RPL10: variants seen among roughly 807,000 people sequenced by gnomAD.
RPL10 encodes ribosomal protein L10.
In RPL10, 1 loss-of-function variant was observed where a neutral mutation model predicts 15.7. That is an observed-to-expected ratio of 0.06 (90% CI 0.02 to 0.30). The LOEUF is 0.30. RPL10 is among the 10% of genes least tolerant of loss of function. The pLI is 1.00. For synonymous variants in RPL10, 59 were observed against 64.0 expected (o/e 0.92, Z 0.37); for missense variants, 54 against 183.4 (o/e 0.29, Z 4.08).
chrX:154,399,085 CA>C (rs2067968799), intron 2 of RPL10: 1 of 449,266 alleles, frequency 2.2e-6, no homozygotes, highest in Non-Finnish European at 4.0e-6. Flanking sequence ...AAGTTTGTTG[CA>C]AAGTGTTTAT....
rs889587500 is a variant in RPL10 at position 154,401,262 on chromosome X, G to A, written c.*408G>A. 2.0e-5 allele frequency: 5 copies of A among 251,709 alleles called. No homozygotes were observed. Among genetic ancestry groups the A allele is most frequent in the Admixed American group, 5.6e-5 (1 of 17,989 alleles). 20.7% of individuals were successfully genotyped at this position (251,709 alleles called of 1,213,427 possible). A position where few individuals can be genotyped will look rare whatever the true frequency, so the allele number is the denominator to read the frequency against. On this transcript the variant is annotated 3_prime_UTR_variant, in exon 7 of 7. Transcript: ENST00000369817. ...TGTGGGCTAGAGGCTGACCAGCAGC[G>A]TTTATTTAGCAAGGGTAGGTGTGCA...
chrX:154,398,997 G>T (rs1281926850), intron 2 of RPL10: 1 of 380,067 alleles, frequency 2.6e-6, no homozygotes, highest in Non-Finnish European at 4.8e-6. Context: ...GTCTTAAATT[G>T]GGTGACCTGA....
At chrX:154,398,186 C>T, upstream of RPL10, 1 of 436,279 alleles carries the variant, frequency 2.3e-6, no homozygotes, top group Admixed American at 3.1e-5. Flanking sequence ...GCTGGCCGCC[C>T]GCGGCCCTGG....
chrX:154,400,980 C>T lies in RPL10; in HGVS notation c.*126C>T. 1 of 1,169,927 alleles carries T rather than the reference C, an allele frequency of 8.5e-7. No homozygotes were observed. Among genetic ancestry groups the T allele is most frequent in the South Asian group, 1.9e-5 (1 of 52,807 alleles). On this transcript the variant is annotated 3_prime_UTR_variant, in exon 7 of 7. Coordinates refer to ENST00000369817, the MANE Select transcript of RPL10 (RefSeq NM_006013.5). ...CCTCTGGGAACCTTTGGGTCATTGC[C>T]CTTTCACTTCAGAAACAGGTTGACA...
At chrX:154,398,126 C>A, upstream of RPL10, 1 of 343,916 alleles carries the variant, frequency 2.9e-6, no homozygotes. Context: ...CCCAAGATGG[C>A]CAGCCGGAAG....
chrX:154,398,338 CA>C, upstream of RPL10: 3 of 591,489 alleles, frequency 5.1e-6, no homozygotes, highest in Middle Eastern at 3.1e-4. Flanking sequence ...CGCGCGCAGA[CA>C]GACCGCCTAT....
rs1557184972 is a variant in RPL10 at position 154,398,678 on chromosome X, C to T, written c.23+136C>T. On this transcript the variant is annotated intron_variant, in intron 2 of 6. Transcript: ENST00000369817. ...TCTTGGGAACTGACCCTATGTTTTACACCTCCCGGCTATTTTTTAGTCTGC... is the reference window on the plus strand; with the variant it reads ...TCTTGGGAACTGACCCTATGTTTTATACCTCCCGGCTATTTTTTAGTCTGC... 3 of 743,043 alleles carry T rather than the reference C, an allele frequency of 4.0e-6. No homozygotes were observed. The African/African-American group carries it at 6.3e-5, about 16-fold the overall frequency. 61.2% of individuals were successfully genotyped at this position (743,043 alleles called of 1,213,427 possible).
intron 3 of RPL10, 45 bp downstream of exon 3, chrX:154,399,441 C>T (rs781975255): frequency 6.6e-6 from 8 of 1,208,811 alleles, no homozygotes; most frequent in East Asian, 3.0e-5. Context: ...CTGCGGACTC[C>T]GCGTCCGTCT....
At chrX:154,399,000 T>A (rs1346443154) in intron 2 of RPL10, 1 of 376,865 alleles carries the variant, frequency 2.7e-6, no homozygotes, top group African/African-American at 2.6e-5. Flanking sequence ...TTAAATTGGG[T>A]GACCTGAGCT....
At chrX:154,398,834 CTCTG>C (rs1327534143) in intron 2 of RPL10, 11 of 409,253 alleles carry the variant, frequency 2.7e-5, no homozygotes, top group Non-Finnish European at 4.8e-5. Flanking sequence ...TGTGTGCGTT[CTCTG>C]TCTTATTTCC....
rs782483440 is a variant in RPL10, at chrX:154,398,405, G to A, written c.-24+11G>A. ...TTTCCCTTCGGTGTGGTGAGTAAGC[G>A]CAGTTGTCGTCTCTTGCGGTGCCGT... On this transcript the variant is annotated intron_variant, in intron 1 of 6. Coordinates refer to ENST00000369817, the MANE Select transcript of RPL10 (RefSeq NM_006013.5). 33 of 930,612 alleles carry A rather than the reference G, an allele frequency of 3.5e-5. No homozygotes were observed. Among genetic ancestry groups the A allele is most frequent in the Non-Finnish European group, 4.8e-5 (31 of 642,995 alleles). The allele number at this position is 930,612 out of a possible 1,213,427, so 76.7% of individuals were successfully genotyped here.
chrX:154,401,168 T>A lies in RPL10; in HGVS notation c.*314T>A. The A allele has an allele frequency of 2.5e-6, 1 of 401,993 alleles. No homozygotes were observed. Among genetic ancestry groups the A allele is most frequent in the Non-Finnish European group, 4.0e-6 (1 of 247,600 alleles). 33.1% of individuals were successfully genotyped at this position (401,993 alleles called of 1,213,427 possible). A position where few individuals can be genotyped will look rare whatever the true frequency, so the allele number is the denominator to read the frequency against. ...ATGAAGCACAGCTGCAGCAAAGCCT[T>A]GCAATCCCAGGCTGGGGTCAGCCTA... On this transcript the variant is annotated 3_prime_UTR_variant, in exon 7 of 7. Coordinates refer to ENST00000369817, the MANE Select transcript of RPL10 (RefSeq NM_006013.5).
chrX:154,398,979 G>GC (rs2067966857), intron 2 of RPL10: 4 of 367,248 alleles, frequency 1.1e-5, no homozygotes, highest in Non-Finnish European at 2.0e-5. Context: ...AGTGCCACGT[G>GC]CCCGAAAGTC....
intron 4 of RPL10, 73 bp downstream of exon 4, chrX:154,399,667 G>A: frequency 8.7e-7 from 1 of 1,155,709 alleles, no homozygotes; most frequent in Non-Finnish European, 1.2e-6. Flanking sequence ...CACATACACT[G>A]CACTGGAATT....
At chrX:154,399,448 G>A (rs369032958) in intron 3 of RPL10, 39 bp from the exon 4 acceptor site, 46 of 1,206,905 alleles carry the variant, frequency 3.8e-5, no homozygotes, top group East Asian at 3.0e-5. Context: ...CTCCGCGTCC[G>A]TCTGTGACAC....
In RPL10 at chrX:154,399,778, T is replaced by C. The variant is rs199846706; in HGVS notation, c.191-25T>C. The C allele has an allele frequency of 5.0e-4, 603 of 1,208,947 alleles. 2 individuals are homozygous for C. In the South Asian group the frequency reaches 0.01, roughly 20 times the overall value. ...GTTTCTCTATTATCTTCTCTCACTT[T>C]GCTGCTTTTCTTCTCCCTACCTAGC... On this transcript the variant is annotated intron_variant, in intron 4 of 6. Transcript: ENST00000369817.
In RPL10 at chrX:154,400,866, G is replaced by A. The variant is rs1557185881; in HGVS notation, c.*12G>A. 4 of 1,211,339 alleles carry A rather than the reference G, an allele frequency of 3.3e-6. No individual in the cohort carries two copies. Among genetic ancestry groups the A allele is most frequent in the South Asian group, 1.8e-5 (1 of 56,949 alleles). On this transcript the variant is annotated 3_prime_UTR_variant, in exon 7 of 7. Transcript: ENST00000369817. ...CCCTGCACTCATGAGGGCTTCCAAT[G>A]TGCTGCCCCCCTCTTAATACTCACC...
At chrX:154,398,465 C>T (rs1557184902) in intron 1 of RPL10, 32 bp from the exon 2 acceptor site, 3 of 1,205,346 alleles carry the variant, frequency 2.5e-6, no homozygotes, top group Admixed American at 2.2e-5. Flanking sequence ...CTGTTCTCGT[C>T]TTCCGTTCCG....
In RPL10 at chrX:154,400,945, G is replaced by A. The variant is rs1401106720; in HGVS notation, c.*91G>A. 4 of 1,193,474 alleles carry A rather than the reference G, an allele frequency of 3.4e-6. No homozygotes were observed. The East Asian group carries it at 1.2e-4, about 36-fold the overall frequency. On this transcript the variant is annotated 3_prime_UTR_variant, in exon 7 of 7. Transcript: ENST00000369817. ...TCTTTGTATCTACATTCTTGACGGG[G>A]AAGGAACTTCCTCTGGGAACCTTTG...
Sources: allele counts gnomAD v4.1 joint callset, GRCh38; gene constraint gnomAD v4.1.1; transcripts MANE v1.5; gene names NCBI Gene and HGNC (gene_info 2026-07-23, HGNC 2026-07-21).